AZIN2: variants seen among roughly 807,000 people sequenced by gnomAD.
The protein encoded by AZIN2 is ODC antizyme inhibitor-2.
In AZIN2, 28 loss-of-function variants were observed where a neutral mutation model predicts 47.8. The observed-to-expected ratio is 0.59, with a 90% CI of 0.43 to 0.80. The LOEUF is 0.80. Among genes scored for constraint, AZIN2 ranks in the 30% least tolerant of loss-of-function variants. The pLI is 0.00. For missense variants in AZIN2, 535 were observed against 582.5 expected, an observed-to-expected ratio of 0.92 and a Z score of 0.84; for synonymous variants, 221 against 239.4, an observed-to-expected ratio of 0.92 and a Z score of 0.71.
chr1:33,135,634 C>T, the AZIN2 span, among the ~76,000 whole-genome samples: 1 of 152,236 alleles, frequency 6.6e-6, no homozygotes, highest in East Asian at 1.9e-4. Context: ...CTCAAACATG[C>T]TGTTCCTCCT....
intron 10 of AZIN2, among the ~76,000 whole-genome samples, chr1:33,112,838 A>G (rs954099210): frequency 6.6e-6 from 1 of 152,224 alleles, no homozygotes; most frequent in African/African-American, 2.4e-5. Context: ...TTAGAAAAAC[A>G]TCCTGGGGAT....
chr1:33,164,643 T>G, the AZIN2 span: 1 of 152,526 alleles, frequency 6.6e-6, no homozygotes, highest in Admixed American at 6.5e-5. Context: ...CTGCAGAGTT[T>G]GGCCCTACCT....
At chr1:33,085,124 C>A (rs754410762) in intron 5 of AZIN2, among the ~76,000 whole-genome samples, 3 of 149,618 alleles carry the variant, frequency 2.0e-5, no homozygotes, top group Non-Finnish European at 2.9e-5. Flanking sequence ...ATTGATTCAG[C>A]AAATATTAAT....
At chr1:33,144,095 C>A in the AZIN2 span, among the ~76,000 whole-genome samples, 3 of 151,646 alleles carry the variant, frequency 2.0e-5, no homozygotes, top group Non-Finnish European at 4.4e-5. Flanking sequence ...CACACTCTTA[C>A]ATGCAAACGT....
At chr1:33,082,047 C>G in intron 3 of AZIN2, 131 bp from the exon 4 acceptor site, 1 of 593,758 alleles carries the variant, frequency 1.7e-6, no homozygotes, top group Non-Finnish European at 3.0e-6. Flanking sequence ...CTTTCTCCAC[C>G]CTTGCCCAGT....
chr1:33,095,099 T>TGTCC (rs1643002131), intron 8 of AZIN2, among the ~76,000 whole-genome samples: 1 of 152,220 alleles, frequency 6.6e-6, no homozygotes, highest in South Asian at 2.1e-4. Context: ...GTCTGCTGCC[T>TGTCC]GTCCATTCTC....
the AZIN2 span, among the ~76,000 whole-genome samples, chr1:33,138,640 A>AAAAG: frequency 4.0e-5 from 6 of 149,418 alleles, no homozygotes; most frequent in African/African-American, 9.7e-5. Flanking sequence ...AAAAAAAAAA[A>AAAAG]AAAAAGAAAA....
At chr1:33,150,648 G>A in the AZIN2 span, among the ~76,000 whole-genome samples, 2 of 152,316 alleles carry the variant, frequency 1.3e-5, no homozygotes, top group African/African-American at 4.8e-5. Flanking sequence ...TTCACCCTGT[G>A]GTCTGACTGG....
chr1:33,149,939 T>A, the AZIN2 span, among the ~76,000 whole-genome samples: 1 of 152,206 alleles, frequency 6.6e-6, no homozygotes, highest in Admixed American at 6.5e-5. Context: ...CCGGAAAGAC[T>A]CACCAAATTA....
At chr1:33,129,266 T>C in the AZIN2 span, among the ~76,000 whole-genome samples, 49 of 152,260 alleles carry the variant, frequency 3.2e-4, no homozygotes, top group African/African-American at 1.2e-3. The surrounding 1 kb of genome is among the most constrained non-coding windows in gnomAD (Gnocchi z 4.1). Flanking sequence ...TACTTATGGG[T>C]TGGGGGTTCA....
chr1:33,124,789 T>A (rs1008281298), downstream of AZIN2, among the ~76,000 whole-genome samples: 1 of 152,194 alleles, frequency 6.6e-6, no homozygotes, highest in Non-Finnish European at 1.5e-5. The surrounding 1 kb of genome is among the most constrained non-coding windows in gnomAD (Gnocchi z 4.6). Context: ...TTTGTTCTTG[T>A]GATAGTTTGC....
chr1:33,107,612 C>A (rs2981946), intron 10 of AZIN2, among the ~76,000 whole-genome samples: 1 of 152,106 alleles, frequency 6.6e-6, no homozygotes, highest in Admixed American at 6.6e-5. Context: ...CAAAAAAACT[C>A]TAAAGACTTC....
At chr1:33,150,591 A>ATTCT in the AZIN2 span, among the ~76,000 whole-genome samples, 1 of 152,250 alleles carries the variant, frequency 6.6e-6, no homozygotes. Flanking sequence ...GGGACATAGA[A>ATTCT]GACGGGGAAC....
At chr1:33,088,865 TC>T (rs1213312112) in intron 5 of AZIN2, among the ~76,000 whole-genome samples, 4 of 152,246 alleles carry the variant, frequency 2.6e-5, no homozygotes, top group Non-Finnish European at 5.9e-5. Context: ...ACGTACTTTT[TC>T]TTCCCAGCTC....
chr1:33,119,998 G>A lies in AZIN2; in HGVS notation c.1245-46G>A, dbSNP rs2124677236. The A allele has an allele frequency of 4.3e-6, 7 of 1,611,080 alleles. No individual in the cohort carries two copies. The East Asian group carries it at 1.3e-4, about 31-fold the overall frequency. On this transcript the variant is annotated intron_variant, in intron 11 of 11. Coordinates refer to ENST00000294517, the MANE Select transcript of AZIN2 (RefSeq NM_052998.4). Reference sequence around the variant, plus strand: ...GCTGCGTCTCCAGGTACAGGGCCCTGCCAGTCCCATGCTGGCTACTTGCAG... The same window carrying A: ...GCTGCGTCTCCAGGTACAGGGCCCTACCAGTCCCATGCTGGCTACTTGCAG...
chr1:33,127,059 G>C (rs1157857342), downstream of AZIN2, among the ~76,000 whole-genome samples: 1 of 152,204 alleles, frequency 6.6e-6, no homozygotes, highest in African/African-American at 2.4e-5. Context: ...CTCAGGCTGA[G>C]CAAATACCCT....
At chr1:33,145,701 T>G in the AZIN2 span, 2 of 358,786 alleles carry the variant, frequency 5.6e-6, no homozygotes, top group East Asian at 1.6e-4. Flanking sequence ...AGGCTCAGTC[T>G]TGCAGCCCAC....
At chr1:33,088,974 A>G (rs1029464422) in intron 5 of AZIN2, among the ~76,000 whole-genome samples, 1 of 152,198 alleles carries the variant, frequency 6.6e-6, no homozygotes, top group African/African-American at 2.4e-5. Flanking sequence ...CAGAGACCCT[A>G]TGTGCTTTAG....
intron 4 of AZIN2, chr1:33,083,675 T>G (rs1292735837): frequency 4.1e-6 from 2 of 487,244 alleles, no homozygotes; most frequent in Non-Finnish European, 7.5e-6. Context: ...CTGCAGGACA[T>G]GGTGGGAACA....
Sources: allele counts gnomAD v4.1 joint callset (sites outside exome capture counted in the v4.1 genomes callset), GRCh38; gene constraint gnomAD v4.1.1; non-coding constraint Gnocchi (gnomAD v3.1); transcripts MANE v1.5; gene names NCBI Gene and HGNC (gene_info 2026-07-23, HGNC 2026-07-21).